The following TDRD7 variants were observed in gnomAD, a reference collection of about 807,000 sequenced individuals.
TDRD7 encodes the protein tudor domain containing 7, also known as tudor domain-containing protein 7.
TDRD7 carries 47 observed loss-of-function variants against 109.8 expected under a neutral mutation model. That is an observed-to-expected ratio of 0.43 (90% CI 0.34 to 0.55). The LOEUF (loss-of-function observed/expected upper bound fraction) is 0.55. Ranked by LOEUF, TDRD7 falls within the 20% of genes least tolerant of loss-of-function variation. TDRD7 has a pLI of 0.03. For missense variants in TDRD7, 1,164 were observed against 1,319.2 expected (o/e 0.88, Z 1.82); for synonymous variants, 424 against 457.3 (o/e 0.93, Z 0.93).
intron 6 of TDRD7, among the ~76,000 whole-genome samples, chr9:97,456,797 T>C (rs1296762275): frequency 6.6e-6 from 1 of 151,976 alleles, no homozygotes; most frequent in Non-Finnish European, 1.5e-5. Flanking sequence ...CAAAAGCAAT[T>C]GCAACAAAAG....
chr9:97,480,425 T>G, intron 13 of TDRD7: 2 of 216,180 alleles, frequency 9.3e-6, no homozygotes, highest in African/African-American at 2.3e-5. Context: ...AAATGACAAT[T>G]GATTTTTTTT....
intron 1 of TDRD7, 51 bp from the exon 2 acceptor site, chr9:97,428,409 T>C: frequency 6.4e-7 from 1 of 1,555,998 alleles, no homozygotes; most frequent in Non-Finnish European, 8.8e-7. Flanking sequence ...TCTATTTGAA[T>C]TCACAAACGA....
intron 6 of TDRD7, among the ~76,000 whole-genome samples, chr9:97,457,014 G>A (rs917192927): frequency 2.0e-5 from 3 of 152,122 alleles, no homozygotes; most frequent in Non-Finnish European, 4.4e-5. Context: ...CAAAGGGTAT[G>A]AACAGACACT....
At chr9:97,473,929 C>T (rs1587887834) in intron 11 of TDRD7, among the ~76,000 whole-genome samples, 1 of 152,320 alleles carries the variant, frequency 6.6e-6, no homozygotes. Context: ...TTATTTATAA[C>T]ATGCAGTTGA....
intron 2 of TDRD7, among the ~76,000 whole-genome samples, 186 bp downstream of exon 2, chr9:97,428,858 T>A (rs1828052850): frequency 6.6e-6 from 1 of 152,226 alleles, no homozygotes; most frequent in Non-Finnish European, 1.5e-5. Flanking sequence ...TTCTTATTCC[T>A]CAAATTCTTT....
At chr9:97,480,683 C>A in intron 13 of TDRD7, 145 bp from the exon 14 acceptor site, 2 of 725,870 alleles carry the variant, frequency 2.8e-6, no homozygotes, top group Admixed American at 2.0e-5. Flanking sequence ...ATGCTCAAAC[C>A]AGGAACTGTG....
chr9:97,455,134 C>T (rs1173910702), intron 6 of TDRD7, among the ~76,000 whole-genome samples: 2 of 152,020 alleles, frequency 1.3e-5, no homozygotes, highest in Non-Finnish European at 2.9e-5. Context: ...AGGAAGAAAT[C>T]GAATCCCTGA....
chr9:97,439,263 C>A lies in TDRD7; in HGVS notation c.582C>A (p.Ser194=), dbSNP rs772250609. 1.3e-5 allele frequency: 21 copies of A among 1,601,298 alleles called. No homozygotes were observed. Among genetic ancestry groups the A allele is most frequent in the Non-Finnish European group, 2.5e-6 (3 of 1,178,670 alleles). The change falls in exon 5 of 17, where the codon TCC becomes TCA. Residue 194 remains serine, a synonymous_variant. Transcript: ENST00000355295. ...STNNRFSPKA[S]LQPPLQMHLS... Reference sequence around the variant, plus strand: ...ATCTTAGGTTTAGCCCAAAGGCGTCCCTTCAACCACCTTTGCAGATGCATC... The same window carrying A: ...ATCTTAGGTTTAGCCCAAAGGCGTCACTTCAACCACCTTTGCAGATGCATC...
intron 4 of TDRD7, among the ~76,000 whole-genome samples, chr9:97,438,449 C>T (rs561615130): frequency 7.9e-5 from 12 of 152,258 alleles, no homozygotes; most frequent in South Asian, 6.2e-4. Flanking sequence ...TTTATTCATT[C>T]GGTCATGATT....
intron 1 of TDRD7, among the ~76,000 whole-genome samples, chr9:97,421,681 G>C (rs1033801713): frequency 8.6e-5 from 13 of 151,318 alleles, no homozygotes; most frequent in Admixed American, 2.6e-4. Context: ...ACAGGCACGT[G>C]CGACTATGCC....
chr9:97,472,996 A>G (rs1828949221), intron 10 of TDRD7, among the ~76,000 whole-genome samples: 1 of 152,198 alleles, frequency 6.6e-6, no homozygotes, highest in African/African-American at 2.4e-5. Context: ...TGTCTTTATT[A>G]TGGTTTGACT....
chr9:97,426,254 T>G (rs1231683084), intron 1 of TDRD7, among the ~76,000 whole-genome samples: 1 of 152,158 alleles, frequency 6.6e-6, no homozygotes, highest in Non-Finnish European at 1.5e-5. Context: ...TCATTTCTTT[T>G]ACTTTTCATT....
In TDRD7 at chr9:97,464,343, T is replaced by C. The variant is rs62557543; in HGVS notation, c.1443-499T>C. 2.0e-5 allele frequency among the ~76,000 whole-genome samples: 3 copies of C among 152,296 alleles called. No homozygotes were observed. In the South Asian group the frequency reaches 6.2e-4, roughly 32 times the overall value. On this transcript the variant is annotated intron_variant, in intron 7 of 16. Coordinates refer to ENST00000355295, the MANE Select transcript of TDRD7 (RefSeq NM_014290.3). ...TTGCTGTGTTGTTTGGTGTGTGTTT[T>C]GTGCAGTCTCCATTGTCCCTTATCT...
intron 2 of TDRD7, among the ~76,000 whole-genome samples, chr9:97,429,426 G>A (rs373762760): frequency 2.0e-5 from 3 of 152,144 alleles, no homozygotes; most frequent in Admixed American, 6.6e-5. Context: ...TGGTTTCCTG[G>A]GTATGTTTCT....
At chr9:97,441,971 C>A in intron 6 of TDRD7, 96 bp downstream of exon 6, 1 of 1,025,660 alleles carries the variant, frequency 9.7e-7, no homozygotes, top group Non-Finnish European at 1.5e-6. Flanking sequence ...CCCCAGAAGA[C>A]AAAGCACTTT....
At chr9:97,469,632 T>C (rs1459973164) in intron 8 of TDRD7, among the ~76,000 whole-genome samples, 1 of 152,222 alleles carries the variant, frequency 6.6e-6, no homozygotes, top group African/African-American at 2.4e-5. Flanking sequence ...GTTTGCTTTG[T>C]TTCTTTCAAT....
At chr9:97,480,535 T>G in intron 13 of TDRD7, 1 of 397,100 alleles carries the variant, frequency 2.5e-6, no homozygotes, top group Non-Finnish European at 4.8e-6. Flanking sequence ...CATTTCCCCA[T>G]CTGTGAAATG....
chr9:97,468,905 G>A (rs867347780), intron 8 of TDRD7, among the ~76,000 whole-genome samples: 4 of 152,208 alleles, frequency 2.6e-5, no homozygotes, highest in Admixed American at 6.5e-5. Flanking sequence ...AGGACACAGA[G>A]CAGAGTGTGG....
chr9:97,484,663 C>T (rs1441839163), intron 15 of TDRD7, among the ~76,000 whole-genome samples: 1 of 152,090 alleles, frequency 6.6e-6, no homozygotes, highest in Non-Finnish European at 1.5e-5. Context: ...GAAAAACATA[C>T]AATTTGTATG....
Sources: allele counts gnomAD v4.1 joint callset (sites outside exome capture counted in the v4.1 genomes callset), GRCh38; gene constraint gnomAD v4.1.1; transcripts MANE v1.5; gene names NCBI Gene and HGNC (gene_info 2026-07-23, HGNC 2026-07-21).